The following ERC2 variants were observed in gnomAD, a reference collection of about 807,000 sequenced individuals.
ERC2 encodes ERC protein 2.
In ERC2, 42 loss-of-function variants were observed where a neutral mutation model predicts 114.8. That is an observed-to-expected ratio of 0.37 (90% CI 0.29 to 0.47). ERC2 has a LOEUF of 0.47. Among genes scored for constraint, ERC2 ranks in the 20% least tolerant of loss-of-function variants. The pLI, the probability that ERC2 is intolerant of heterozygous loss-of-function variation, is 0.99. For synonymous variants in ERC2, 454 were observed against 425.5 expected (o/e 1.07, Z -0.82); for missense variants, 939 against 1,150.7 (o/e 0.82, Z 2.66).
At chr3:55,852,771 G>A (rs2061628893) in intron 14 of ERC2, among the ~76,000 whole-genome samples, 1 of 152,078 alleles carries the variant, frequency 6.6e-6, no homozygotes, top group African/African-American at 2.4e-5. Context: ...TAAATTGATG[G>A]CAGCATAGAA....
At chr3:55,614,072 C>T (rs1575775175) in intron 17 of ERC2, among the ~76,000 whole-genome samples, 1 of 149,922 alleles carries the variant, frequency 6.7e-6, no homozygotes, top group Non-Finnish European at 1.5e-5. Flanking sequence ...AATCTGCCCA[C>T]ACTTCATAGA....
At chr3:56,023,246 A>T (rs2073835783) in intron 7 of ERC2, among the ~76,000 whole-genome samples, 1 of 151,782 alleles carries the variant, frequency 6.6e-6, no homozygotes, top group Non-Finnish European at 1.5e-5. Flanking sequence ...CCAAAATGCA[A>T]CTCTAACTGC....
chr3:55,989,338 T>C (rs999284603), intron 11 of ERC2, among the ~76,000 whole-genome samples: 6 of 152,272 alleles, frequency 3.9e-5, no homozygotes, highest in Non-Finnish European at 8.8e-5. Flanking sequence ...TAAGACCTGT[T>C]TGTCCAATTA....
chr3:55,562,844 T>C (rs1223810939), intron 17 of ERC2, among the ~76,000 whole-genome samples: 2 of 152,130 alleles, frequency 1.3e-5, no homozygotes, highest in Non-Finnish European at 2.9e-5. Flanking sequence ...AAAAAGATCA[T>C]GATATGATAG....
intron 15 of ERC2, among the ~76,000 whole-genome samples, chr3:55,727,858 A>G (rs1335374393): frequency 6.6e-6 from 1 of 152,164 alleles, no homozygotes; most frequent in Non-Finnish European, 1.5e-5. Flanking sequence ...AATTGCCGCC[A>G]CCCCAATTAG....
chr3:56,148,891 T>C (rs997619853), intron 5 of ERC2, 86 bp downstream of exon 5: 3 of 1,214,700 alleles, frequency 2.5e-6, no homozygotes, highest in Non-Finnish European at 3.5e-6. Context: ...AAGCATATTA[T>C]ATGGAGTATT....
At chr3:56,357,222 C>T (rs1051066875) in intron 2 of ERC2, among the ~76,000 whole-genome samples, 2 of 152,250 alleles carry the variant, frequency 1.3e-5, no homozygotes, top group African/African-American at 4.8e-5. Flanking sequence ...CCCCAGTGCA[C>T]ACAGCTCTGG....
intron 17 of ERC2, among the ~76,000 whole-genome samples, chr3:55,621,535 G>A (rs958858737): frequency 3.3e-5 from 5 of 152,122 alleles, no homozygotes; most frequent in African/African-American, 4.8e-5. Context: ...CTGATTTCAG[G>A]CACTGTACTA....
rs1031350431 is a variant in ERC2, at chr3:56,296,061, C to T, written c.1032G>A (p.Val344=). ...EAESQVSHLE[V]ILDQKEKENI... is the part of the protein sequence containing the mutation. ...TTTCCTTCTCTTTCTGATCTAAAATCACTTCCAAGTGGCTGACCTGAGACT... is the reference window on the plus strand; with the variant it reads ...TTTCCTTCTCTTTCTGATCTAAAATTACTTCCAAGTGGCTGACCTGAGACT... The change falls in exon 3 of 18, where the codon GTG becomes GTA. Residue 344 remains valine (V), a synonymous_variant. Transcript: ENST00000288221. 1.9e-6 allele frequency: 3 copies of T among 1,606,094 alleles called. No individual in the cohort carries two copies. The highest frequency in any genetic ancestry group is 1.3e-5 in the African/African-American group (1 of 74,458).
At chr3:56,381,899 C>G (rs553060789) in intron 2 of ERC2, among the ~76,000 whole-genome samples, 159 of 152,178 alleles carry the variant, frequency 1.0e-3, no homozygotes, top group Middle Eastern at 3.4e-3. Context: ...TCAGGGTCCT[C>G]AAGAACAAAG....
chr3:56,222,091 T>C (rs532257747), intron 3 of ERC2, among the ~76,000 whole-genome samples: 1 of 152,270 alleles, frequency 6.6e-6, no homozygotes, highest in African/African-American at 2.4e-5. Flanking sequence ...CAAGAGTATA[T>C]TAAAATGTTT....
chr3:55,593,222 T>C (rs2057981111), intron 17 of ERC2, among the ~76,000 whole-genome samples: 1 of 152,224 alleles, frequency 6.6e-6, no homozygotes, highest in South Asian at 2.1e-4. Flanking sequence ...GCATCATCCT[T>C]GCCTTGGTGC....
At chr3:56,119,512 T>C (rs1332210631) in intron 6 of ERC2, among the ~76,000 whole-genome samples, 1 of 152,206 alleles carries the variant, frequency 6.6e-6, no homozygotes, top group Non-Finnish European at 1.5e-5. Context: ...TAAGCATCTT[T>C]TCCCAGTAAG....
chr3:55,714,667 G>GTGTATA (rs2063990871), intron 15 of ERC2, among the ~76,000 whole-genome samples: 4 of 88,588 alleles, frequency 4.5e-5, no homozygotes, highest in African/African-American at 1.5e-4. Flanking sequence ...GTGTGTGTGT[G>GTGTATA]TATATATATA....
intron 16 of ERC2, among the ~76,000 whole-genome samples, chr3:55,697,512 C>A (rs186508525): frequency 4.6e-5 from 7 of 152,292 alleles, no homozygotes; most frequent in Admixed American, 1.3e-4. Flanking sequence ...GTCAAGTGGA[C>A]AAGACACCCT....
intron 17 of ERC2, among the ~76,000 whole-genome samples, chr3:55,575,899 T>C (rs2107540856): frequency 6.6e-6 from 1 of 152,290 alleles, no homozygotes; most frequent in African/African-American, 2.4e-5. Context: ...AACAAGCACG[T>C]AGGTACTTTT....
intron 13 of ERC2, among the ~76,000 whole-genome samples, chr3:55,904,315 A>G (rs1392178884): frequency 6.6e-6 from 1 of 152,200 alleles, no homozygotes; most frequent in Non-Finnish European, 1.5e-5. Flanking sequence ...AGTTGAAACC[A>G]TCTATGGCTT....
At chr3:55,630,090 T>A (rs368697559) in intron 17 of ERC2, among the ~76,000 whole-genome samples, 9 of 152,214 alleles carry the variant, frequency 5.9e-5, no homozygotes, top group African/African-American at 2.2e-4. Context: ...CAGTAAGGAC[T>A]TCACATTAAT....
At chr3:56,408,361 T>C (rs914620151) in intron 2 of ERC2, among the ~76,000 whole-genome samples, 1 of 152,132 alleles carries the variant, frequency 6.6e-6, no homozygotes, top group East Asian at 1.9e-4. Context: ...GACACAGAGC[T>C]GAAGGTTGCC....
Sources: allele counts gnomAD v4.1 joint callset (sites outside exome capture counted in the v4.1 genomes callset), GRCh38; gene constraint gnomAD v4.1.1; transcripts MANE v1.5; gene names NCBI Gene and HGNC (gene_info 2026-07-23, HGNC 2026-07-21).